PTPRD: variants seen among roughly 807,000 people sequenced by gnomAD.
PTPRD encodes the protein receptor-type tyrosine-protein phosphatase delta.
PTPRD carries 34 observed loss-of-function variants against 214.5 expected under a neutral mutation model. The observed-to-expected ratio is 0.16, with a 90% CI of 0.12 to 0.21. The LOEUF (loss-of-function observed/expected upper bound fraction) is 0.21. Ranked by LOEUF, PTPRD falls within the 10% of genes least tolerant of loss-of-function variation. The pLI is 1.00. For missense variants in PTPRD, 2,545 were observed against 2,398.7 expected, an observed-to-expected ratio of 1.06 and a Z score of -1.27; for synonymous variants, 1,128 against 845.7, an observed-to-expected ratio of 1.33 and a Z score of -5.79.
intron 10 of PTPRD, among the ~76,000 whole-genome samples, chr9:9,145,722 G>T (rs148954431): frequency 5.3e-5 from 8 of 152,188 alleles, no homozygotes; most frequent in Non-Finnish European, 1.0e-4. Flanking sequence ...TAGAAGCAAG[G>T]AGGGAACACA....
At chr9:8,372,274 T>G (rs192950005) in intron 39 of PTPRD, among the ~76,000 whole-genome samples, 1 of 152,008 alleles carries the variant, frequency 6.6e-6, no homozygotes, top group Admixed American at 6.6e-5. Context: ...TCATGTTGAA[T>G]TTTTCTTCTC....
intron 7 of PTPRD, among the ~76,000 whole-genome samples, chr9:9,626,374 A>G (rs1245487553): frequency 1.3e-5 from 2 of 152,186 alleles, no homozygotes; most frequent in African/African-American, 2.4e-5. Context: ...AGCAGCCAGC[A>G]TAGTGCCTAA....
At chr9:9,959,416 T>C (rs1013898420) in intron 4 of PTPRD, among the ~76,000 whole-genome samples, 1 of 152,164 alleles carries the variant, frequency 6.6e-6, no homozygotes, top group Admixed American at 6.5e-5. Flanking sequence ...ACTGATATTG[T>C]AATGGTGGAC....
At chr9:10,000,431 A>G (rs1419187) in intron 4 of PTPRD, among the ~76,000 whole-genome samples, 134,423 of 152,146 alleles carry the variant, frequency 0.88, 60,047 homozygotes, top group African/African-American at 0.97. Flanking sequence ...TGGACAAGCC[A>G]TTCTTCCAAG....
chr9:10,302,753 G>T (rs1455644961), intron 3 of PTPRD, among the ~76,000 whole-genome samples: 3 of 152,190 alleles, frequency 2.0e-5, no homozygotes, highest in African/African-American at 7.2e-5. Flanking sequence ...GGAGCACCCA[G>T]ATTCACGAAA....
At chr9:9,330,576 A>G (rs2041927633) in intron 9 of PTPRD, among the ~76,000 whole-genome samples, 1 of 152,124 alleles carries the variant, frequency 6.6e-6, no homozygotes, top group African/African-American at 2.4e-5. Context: ...AAGTCTGTTC[A>G]GTACATCTTT....
At chr9:10,260,610 T>C (rs1034719313) in intron 3 of PTPRD, among the ~76,000 whole-genome samples, 4 of 152,204 alleles carry the variant, frequency 2.6e-5, no homozygotes, top group African/African-American at 9.7e-5. Flanking sequence ...CTTAAGAATG[T>C]CTAAATCTGT....
intron 36 of PTPRD, among the ~76,000 whole-genome samples, chr9:8,393,663 T>A (rs1683778495): frequency 6.6e-6 from 1 of 152,094 alleles, no homozygotes. Context: ...CTGAGTGGGT[T>A]TTCATGATTT....
intron 2 of PTPRD, among the ~76,000 whole-genome samples, chr9:10,421,343 T>A (rs917912964): frequency 2.0e-5 from 3 of 151,946 alleles, no homozygotes; most frequent in African/African-American, 7.2e-5. Context: ...TTATTTCTAC[T>A]GTAATATATT....
At chr9:8,527,806 G>A (rs940748855) in intron 15 of PTPRD, among the ~76,000 whole-genome samples, 1 of 152,046 alleles carries the variant, frequency 6.6e-6, no homozygotes, top group Non-Finnish European at 1.5e-5. Context: ...GGTAAAGAGA[G>A]AGAGAAAACA....
intron 5 of PTPRD, among the ~76,000 whole-genome samples, chr9:9,914,095 C>T (rs915154693): frequency 6.6e-6 from 1 of 152,172 alleles, no homozygotes; most frequent in Admixed American, 6.5e-5. Flanking sequence ...ACAGTCCTGC[C>T]TTGGGCAAAC....
chr9:8,420,803 CTTTTT>C (rs3835267), intron 35 of PTPRD, among the ~76,000 whole-genome samples: 2 of 111,470 alleles, frequency 1.8e-5, no homozygotes, highest in Non-Finnish European at 3.8e-5. Context: ...GATCATTTTT[CTTTTT>C]TTTTTTTTTT....
chr9:8,535,577 T>C (rs1452316742), intron 14 of PTPRD, among the ~76,000 whole-genome samples: 1 of 151,914 alleles, frequency 6.6e-6, no homozygotes, highest in East Asian at 1.9e-4. Flanking sequence ...TTTCCCTATA[T>C]CATGGCAGGC....
At chr9:10,503,082 C>T (rs185398034) in intron 2 of PTPRD, among the ~76,000 whole-genome samples, 188 of 150,788 alleles carry the variant, frequency 1.2e-3, no homozygotes, top group African/African-American at 4.2e-3. Flanking sequence ...TACCACAACT[C>T]GGTCCAATAC....
rs1177569010 is a variant in PTPRD at position 10,175,689 on chromosome 9, G to C, written c.-544-141899C>G. On this transcript the variant is annotated intron_variant, in intron 3 of 45. Coordinates refer to ENST00000381196, the MANE Select transcript of PTPRD (RefSeq NM_002839.4). The stretch of plus-strand genomic sequence containing the variant: ...GTATGTTGAAATATTCTTTCCATTT[G>C]ATTTAATTTCTAATTTTCAAAAATC... Among the ~76,000 whole-genome samples, 4 of 151,826 alleles carry C rather than the reference G, an allele frequency of 2.6e-5. No individual in the cohort carries two copies. In the East Asian group the frequency reaches 7.7e-4, roughly 29 times the overall value.
intron 6 of PTPRD, among the ~76,000 whole-genome samples, chr9:9,751,321 T>C (rs187968865): frequency 6.6e-6 from 1 of 152,102 alleles, no homozygotes; most frequent in African/African-American, 2.4e-5. Context: ...AAGAATTAAC[T>C]CCAACAAGTG....
chr9:9,040,504 C>A (rs2099636260), intron 10 of PTPRD, among the ~76,000 whole-genome samples: 1 of 152,118 alleles, frequency 6.6e-6, no homozygotes, highest in Non-Finnish European at 1.5e-5. Context: ...AACTAATTTA[C>A]ATATTCAACC....
At chr9:9,345,621 A>T (rs956724048) in intron 9 of PTPRD, among the ~76,000 whole-genome samples, 1 of 152,210 alleles carries the variant, frequency 6.6e-6, no homozygotes, top group African/African-American at 2.4e-5. Flanking sequence ...AGGTCATCCC[A>T]TATGGCTAGA....
At chr9:8,388,055 T>A (rs543099076) in intron 37 of PTPRD, among the ~76,000 whole-genome samples, 1 of 152,344 alleles carries the variant, frequency 6.6e-6, no homozygotes, top group South Asian at 2.1e-4. Context: ...AATTCAGATG[T>A]TTTGAAAAGA....
Sources: allele counts gnomAD v4.1 joint callset (sites outside exome capture counted in the v4.1 genomes callset), GRCh38; gene constraint gnomAD v4.1.1; transcripts MANE v1.5; gene names NCBI Gene and HGNC (gene_info 2026-07-23, HGNC 2026-07-21).